ASH1L: variants seen among roughly 807,000 people sequenced by gnomAD.
ASH1L encodes ASH1 like histone lysine methyltransferase.
A neutral mutation model predicts 269.0 loss-of-function variants in ASH1L; 23 were observed. The ratio of observed to expected loss-of-function variants is 0.09; its 90% CI spans 0.06 to 0.12. ASH1L has a LOEUF of 0.12. Among genes scored for constraint, ASH1L ranks in the 10% least tolerant of loss-of-function variants. The pLI, the probability that ASH1L is intolerant of heterozygous loss-of-function variation, is 1.00. For missense variants in ASH1L, 2,912 were observed against 3,567.8 expected, an observed-to-expected ratio of 0.82 and a Z score of 4.68; for synonymous variants, 1,187 against 1,253.5, an observed-to-expected ratio of 0.95 and a Z score of 1.12.
chr1:155,369,633 TC>T (rs1279104976), intron 12 of ASH1L, among the ~76,000 whole-genome samples: 3 of 152,162 alleles, frequency 2.0e-5, no homozygotes, highest in Admixed American at 1.3e-4. Flanking sequence ...ACCTCCAGAT[TC>T]ACTTTTTTTA....
intron 4 of ASH1L, among the ~76,000 whole-genome samples, chr1:155,455,473 T>C (rs1013378953): frequency 1.2e-5 from 1 of 84,698 alleles, no homozygotes; most frequent in African/African-American, 3.5e-5. Flanking sequence ...AAATACAAAT[T>C]GCTTTTTGTT....
At chr1:155,537,682 T>C (rs1670148364) in intron 1 of ASH1L, among the ~76,000 whole-genome samples, 1 of 151,660 alleles carries the variant, frequency 6.6e-6, no homozygotes, top group Non-Finnish European at 1.5e-5. Context: ...TAAAAGAAAA[T>C]GTAGAAGGAA....
chr1:155,360,718 T>G (rs1281077299), intron 12 of ASH1L, among the ~76,000 whole-genome samples: 1 of 151,692 alleles, frequency 6.6e-6, no homozygotes, highest in Non-Finnish European at 1.5e-5. Flanking sequence ...GCTAGAATTA[T>G]AGGTATGAGC....
intron 10 of ASH1L, among the ~76,000 whole-genome samples, chr1:155,376,141 GTTTAATA>G (rs1385152018): frequency 6.6e-6 from 1 of 152,106 alleles, no homozygotes; most frequent in African/African-American, 2.4e-5. Flanking sequence ...GGACCACACT[GTTTAATA>G]AAAGTGTGCA....
rs139582686 is a variant in ASH1L, at chr1:155,363,788, C to T, written c.6687-3379G>A. On this transcript the variant is annotated intron_variant, in intron 12 of 27. Coordinates refer to ENST00000392403, the MANE Select transcript of ASH1L (RefSeq NM_018489.3). ...AGGAGTTCGAGACCAGCCTGGACAA[C>T]ATGGCGAAACACTGTCTCTACTAAA... Among the ~76,000 whole-genome samples, 495 of 151,456 alleles carry T rather than the reference C, an allele frequency of 3.3e-3. 3 individuals carry two copies. The highest frequency in any genetic ancestry group is 0.012 in the African/African-American group (477 of 41,292).
At chr1:155,388,906 A>G (rs1490349831) in intron 7 of ASH1L, among the ~76,000 whole-genome samples, 1 of 150,482 alleles carries the variant, frequency 6.6e-6, no homozygotes, top group Non-Finnish European at 1.5e-5. Context: ...AGAGGTTCTC[A>G]CTACATTGCC....
chr1:155,479,156 A>G lies in ASH1L; in HGVS notation c.3714T>C (p.Ser1238=), dbSNP rs1665776640. The G allele has an allele frequency of 5.0e-6, 8 of 1,614,112 alleles. No homozygotes were observed. Among genetic ancestry groups the G allele is most frequent in the Non-Finnish European group, 6.8e-6 (8 of 1,180,018 alleles). The change falls in exon 3 of 28, where the codon TCT becomes TCC. Residue 1238 remains serine, a synonymous_variant. Coordinates refer to ENST00000392403, the MANE Select transcript of ASH1L (RefSeq NM_018489.3). ...TTTCTTTAAGACTGCTTAGCACTGT[A>G]GAGGTTTCAGGGGGAATCAGAGAAA... ...EHVSLIPPET[S]TVLSSLKEKH... is the part of the protein sequence containing the mutation.
rs772590267 is a variant in ASH1L at position 155,337,474 on chromosome 1, G to C, written c.*186C>G. 20 of 575,706 alleles carry C rather than the reference G, an allele frequency of 3.5e-5. No homozygotes were observed. In the South Asian group the frequency reaches 3.6e-4, roughly 10 times the overall value. 35.7% of individuals were successfully genotyped at this position (575,706 alleles called of 1,614,324 possible). A position where few individuals can be genotyped will look rare whatever the true frequency, so the allele number is the denominator to read the frequency against. On this transcript the variant is annotated 3_prime_UTR_variant, in exon 28 of 28. Coordinates refer to ENST00000392403, the MANE Select transcript of ASH1L (RefSeq NM_018489.3). ...AAATTAATTAACCTGAACTGTCTTG[G>C]ACAGAACCCTTTCCTCTCCCTCTCC... is the stretch of plus-strand genomic sequence containing the variant.
At chr1:155,342,309 T>C (rs1437134896) in intron 24 of ASH1L, among the ~76,000 whole-genome samples, 2 of 152,132 alleles carry the variant, frequency 1.3e-5, no homozygotes, top group Non-Finnish European at 1.5e-5. Context: ...AAAGTAAATA[T>C]ACAGCAGAAT....
chr1:155,352,297 C>CAAAAAAA (rs1281473342), intron 17 of ASH1L, among the ~76,000 whole-genome samples: 13 of 28,080 alleles, frequency 4.6e-4, no homozygotes, highest in South Asian at 1.3e-3. Flanking sequence ...ACCTCCATCT[C>CAAAAAAA]AAAAAAAAAA....
chr1:155,548,170 TG>T (rs1424184424), intron 1 of ASH1L, among the ~76,000 whole-genome samples: 1 of 150,916 alleles, frequency 6.6e-6, no homozygotes, highest in Non-Finnish European at 1.5e-5. Context: ...GTCAGTGGGT[TG>T]GGGGGCAAGG....
chr1:155,409,746 A>C (rs1571134256), intron 6 of ASH1L, among the ~76,000 whole-genome samples: 1 of 152,214 alleles, frequency 6.6e-6, no homozygotes. Context: ...GATTACAGGC[A>C]TAAGCCATCT....
intron 1 of ASH1L, among the ~76,000 whole-genome samples, chr1:155,547,963 G>A (rs893556417): frequency 6.6e-6 from 1 of 152,066 alleles, no homozygotes; most frequent in Non-Finnish European, 1.5e-5. Flanking sequence ...GCGACAGAGC[G>A]AGACTCCGTC....
chr1:155,420,539 T>C (rs1217900346), intron 5 of ASH1L, among the ~76,000 whole-genome samples: 1 of 150,294 alleles, frequency 6.7e-6, no homozygotes, highest in African/African-American at 2.4e-5. Flanking sequence ...CATAAGAGTA[T>C]AAACAAAACA....
intron 1 of ASH1L, among the ~76,000 whole-genome samples, chr1:155,537,324 T>G (rs1670126895): frequency 6.6e-6 from 1 of 152,100 alleles, no homozygotes; most frequent in Non-Finnish European, 1.5e-5. Flanking sequence ...ATCCTGGGAG[T>G]GTTTTTCAAA....
At position 155,429,131 on chromosome 1, in the gene ASH1L, C is replaced by T. The variant is rs558230522; in HGVS notation, c.5828+9196G>A. 8.6e-4 allele frequency among the ~76,000 whole-genome samples: 131 copies of T among 152,074 alleles called. 1 individual carries two copies. The highest frequency in any genetic ancestry group is 7.3e-3 in the Admixed American group (112 of 15,256). On this transcript the variant is annotated intron_variant, in intron 5 of 27. Transcript: ENST00000392403. ...GTTGAAAATAATCCAAGAGTAAAATCGAAGAACTGTATTACACACAAACAA... is the reference window on the plus strand; with the variant it reads ...GTTGAAAATAATCCAAGAGTAAAATTGAAGAACTGTATTACACACAAACAA...
chr1:155,357,797 G>C, intron 13 of ASH1L, 48 bp from the exon 14 acceptor site: 2 of 1,527,726 alleles, frequency 1.3e-6, no homozygotes, highest in South Asian at 2.5e-5. Flanking sequence ...TTTAAGGCAG[G>C]GTCTTTCCTG....
At chr1:155,546,945 C>CTTTTT (rs71080709) in intron 1 of ASH1L, among the ~76,000 whole-genome samples, 4 of 88,198 alleles carry the variant, frequency 4.5e-5, no homozygotes, top group Non-Finnish European at 6.9e-5. Context: ...TCATCACATT[C>CTTTTT]TTTTTTTTTT....
intron 1 of ASH1L, among the ~76,000 whole-genome samples, chr1:155,528,749 GGTTT>G (rs981601608): frequency 6.6e-6 from 1 of 152,084 alleles, no homozygotes; most frequent in Non-Finnish European, 1.5e-5. Flanking sequence ...TACATGTGCA[GGTTT>G]GTTACGTGGG....
Sources: gnomAD v4.1 joint callset for allele counts (sites outside exome capture counted in the v4.1 genomes callset) on GRCh38, gnomAD v4.1.1 for gene constraint, MANE v1.5 for transcripts, NCBI Gene and HGNC (gene_info 2026-07-23, HGNC 2026-07-21) for gene names.